The following CTNND2 variants were observed in gnomAD, a reference collection of about 807,000 sequenced individuals.
The protein encoded by CTNND2 is catenin delta 2.
CTNND2 carries 22 observed loss-of-function variants against 144.4 expected under a neutral mutation model. That is an observed-to-expected ratio of 0.15 (90% CI 0.11 to 0.22). The LOEUF (loss-of-function observed/expected upper bound fraction) is 0.22, where lower values mean the gene tolerates loss of function less well. CTNND2 is among the 10% of genes least tolerant of loss of function. The probability of loss-of-function intolerance (pLI) is 1.00; values close to 1 mark genes in which losing one functional copy is unlikely to be tolerated. For synonymous variants in CTNND2, 751 were observed against 695.6 expected, an observed-to-expected ratio of 1.08 and a Z score of -1.25; for missense variants, 1,353 against 1,618.8, an observed-to-expected ratio of 0.84 and a Z score of 2.82.
intron 1 of CTNND2, among the ~76,000 whole-genome samples, chr5:11,857,494 C>A (rs533818768): frequency 1.3e-5 from 2 of 152,282 alleles, no homozygotes; most frequent in East Asian, 1.9e-4. Context: ...GAGGACAATA[C>A]GATCTGATGA....
intron 10 of CTNND2, among the ~76,000 whole-genome samples, chr5:11,226,258 T>C (rs1279525209): frequency 6.6e-6 from 1 of 152,188 alleles, no homozygotes; most frequent in Admixed American, 6.5e-5. Flanking sequence ...GCCTTCAAGC[T>C]CTGCTCCGAG....
intron 1 of CTNND2, among the ~76,000 whole-genome samples, chr5:11,886,362 TTACAACTGA>T (rs1371850447): frequency 6.6e-6 from 1 of 152,062 alleles, no homozygotes; most frequent in African/African-American, 2.4e-5. Context: ...AAAGGAGACA[TTACAACTGA>T]TACCACAGAA....
intron 12 of CTNND2, among the ~76,000 whole-genome samples, chr5:11,151,443 T>C (rs1757750264): frequency 6.6e-6 from 1 of 152,248 alleles, no homozygotes; most frequent in Non-Finnish European, 1.5e-5. Flanking sequence ...TATAGAAATA[T>C]CTATTAAACA....
At chr5:11,523,836 T>A (rs1772974826) in intron 3 of CTNND2, among the ~76,000 whole-genome samples, 1 of 152,186 alleles carries the variant, frequency 6.6e-6, no homozygotes. Flanking sequence ...TGGCCAGGGC[T>A]TACAACAATG....
chr5:11,811,751 T>C (rs1352093399), intron 1 of CTNND2, among the ~76,000 whole-genome samples: 1 of 152,170 alleles, frequency 6.6e-6, no homozygotes, highest in Non-Finnish European at 1.5e-5. Flanking sequence ...CACAGGATAC[T>C]GAATTCTACC....
chr5:11,116,288 T>A (rs930056106), intron 13 of CTNND2, among the ~76,000 whole-genome samples: 7 of 152,170 alleles, frequency 4.6e-5, no homozygotes, highest in African/African-American at 1.4e-4. Context: ...GACACTGTTG[T>A]TTGTTACTGG....
Position 11,162,079 on chromosome 5 carries a change from G to GT in CTNND2, c.1976-2321dup, listed in dbSNP as rs530310067. ...GCAGGAGAATTGCTTGAACCTGGGA[G>GT]TGGGGGGGGGTTGCAGTGAGCTGAG... On this transcript the variant is annotated intron_variant, in intron 11 of 21. Transcript: ENST00000304623. Among the ~76,000 whole-genome samples, 102 of 147,350 alleles carry GT rather than the reference G, an allele frequency of 6.9e-4. No individual in the cohort carries two copies. In the East Asian group the frequency reaches 0.024, roughly 34 times the overall value.
intron 1 of CTNND2, among the ~76,000 whole-genome samples, chr5:11,789,525 T>C (rs1791022461): frequency 6.6e-6 from 1 of 152,184 alleles, no homozygotes; most frequent in African/African-American, 2.4e-5. Context: ...TATTATATTT[T>C]CTAGTTATTT....
In CTNND2 at chr5:11,453,967, A is replaced by G. The variant is rs893841797; in HGVS notation, c.288-41898T>C. ...TGGAGTGTTACAGAAATACAAATTT[A>G]TTCTATCAACATTAACACTTTATAG... On this transcript the variant is annotated intron_variant, in intron 3 of 21. Coordinates refer to ENST00000304623, the MANE Select transcript of CTNND2 (RefSeq NM_001332.4). 2.7e-4 allele frequency among the ~76,000 whole-genome samples: 41 copies of G among 152,358 alleles called. 1 individual carries two copies. Among genetic ancestry groups the G allele is most frequent in the Admixed American group, 8.5e-4 (13 of 15,304 alleles).
chr5:11,427,505 C>T (rs1003268403), intron 3 of CTNND2, among the ~76,000 whole-genome samples: 18 of 152,146 alleles, frequency 1.2e-4, no homozygotes, highest in Admixed American at 2.6e-4. Context: ...GTCTCGGACT[C>T]CTGACCTCAA....
At chr5:11,696,765 A>G (rs115684524) in intron 2 of CTNND2, among the ~76,000 whole-genome samples, 211 of 152,348 alleles carry the variant, frequency 1.4e-3, no homozygotes, top group African/African-American at 5.0e-3. Context: ...CAGTAGTCAT[A>G]TATCAACAGG....
At chr5:11,193,523 A>G (rs73053722) in intron 11 of CTNND2, among the ~76,000 whole-genome samples, 12,918 of 152,266 alleles carry the variant, frequency 0.085, 1,284 homozygotes, top group African/African-American at 0.24. Flanking sequence ...AATAAGAAAT[A>G]AAACTGGACT....
chr5:11,066,621 C>A (rs1312571177), intron 16 of CTNND2, among the ~76,000 whole-genome samples: 1 of 152,154 alleles, frequency 6.6e-6, no homozygotes, highest in Non-Finnish European at 1.5e-5. Flanking sequence ...CTGAAGACCT[C>A]CTGAGGGCTG....
intron 1 of CTNND2, among the ~76,000 whole-genome samples, chr5:11,748,354 T>C (rs1788428825): frequency 6.6e-6 from 1 of 152,106 alleles, no homozygotes; most frequent in Non-Finnish European, 1.5e-5. Flanking sequence ...AAATTATATA[T>C]ATTTAAAAGG....
intron 3 of CTNND2, among the ~76,000 whole-genome samples, chr5:11,426,916 T>C (rs1412467900): frequency 4.6e-5 from 7 of 152,248 alleles, no homozygotes; most frequent in African/African-American, 1.4e-4. Context: ...TGGTAGAATA[T>C]GTGCATATCA....
intron 1 of CTNND2, among the ~76,000 whole-genome samples, chr5:11,886,479 G>C (rs1736540073): frequency 6.6e-6 from 1 of 151,970 alleles, no homozygotes; most frequent in Admixed American, 6.6e-5. Context: ...AATCTACCAA[G>C]ATTGAACCAT....
intron 3 of CTNND2, among the ~76,000 whole-genome samples, chr5:11,504,311 A>G (rs1770809870): frequency 6.6e-6 from 1 of 152,230 alleles, no homozygotes; most frequent in Non-Finnish European, 1.5e-5. Flanking sequence ...GACTCAGCGT[A>G]ATGTTAGAAA....
chr5:11,033,986 A>G (rs753844930), intron 16 of CTNND2, among the ~76,000 whole-genome samples: 18 of 152,234 alleles, frequency 1.2e-4, no homozygotes, highest in Admixed American at 6.5e-5. Flanking sequence ...AGCAAAGACA[A>G]GGTAAAAAAT....
chr5:11,072,333 A>G (rs937433900), intron 16 of CTNND2, among the ~76,000 whole-genome samples: 2 of 152,250 alleles, frequency 1.3e-5, no homozygotes, highest in African/African-American at 4.8e-5. Context: ...AGTAGCCTAC[A>G]TCAAATGATA....
Sources: allele counts gnomAD v4.1 joint callset (sites outside exome capture counted in the v4.1 genomes callset), GRCh38; gene constraint gnomAD v4.1.1; transcripts MANE v1.5; gene names NCBI Gene and HGNC (gene_info 2026-07-23, HGNC 2026-07-21).